Variants in CDH23 observed in about 807,000 individuals in gnomAD.
CDH23 encodes cadherin related 23, also known as cadherin-23.
Under a neutral mutation model 317.1 loss-of-function variants are expected in CDH23, and 189 were observed. The ratio of observed to expected loss-of-function variants is 0.60; its 90% CI spans 0.53 to 0.67. CDH23 has a LOEUF of 0.67. Among genes scored for constraint, CDH23 ranks in the 30% least tolerant of loss-of-function variants. The pLI, the probability that CDH23 is intolerant of heterozygous loss-of-function variation, is 0.00. For synonymous variants in CDH23, 1,839 were observed against 1,876.8 expected, an observed-to-expected ratio of 0.98 and a Z score of 0.52; for missense variants, 4,401 against 4,592.4, an observed-to-expected ratio of 0.96 and a Z score of 1.20.
intron 8 of CDH23, among the ~76,000 whole-genome samples, chr10:71,574,638 G>T (rs1462171666): frequency 6.6e-6 from 1 of 152,194 alleles, no homozygotes; most frequent in Non-Finnish European, 1.5e-5. Context: ...TGAGCTTGCT[G>T]AGCAGGAGGA....
intron 30 of CDH23, among the ~76,000 whole-genome samples, chr10:71,727,283 C>T (rs1210812051): frequency 6.6e-6 from 1 of 152,186 alleles, no homozygotes; most frequent in Non-Finnish European, 1.5e-5. Flanking sequence ...TGAGCCTGTC[C>T]CCTTAACCAC....
chr10:71,460,488 G>A (rs1057314483), intron 3 of CDH23, among the ~76,000 whole-genome samples: 1 of 152,264 alleles, frequency 6.6e-6, no homozygotes, highest in Non-Finnish European at 1.5e-5. Flanking sequence ...TGAATATGCT[G>A]GCGTCCGACT....
intron 18 of CDH23, 142 bp downstream of exon 18, chr10:71,682,714 A>G (rs1864706162): frequency 9.1e-7 from 1 of 1,097,668 alleles, no homozygotes. Flanking sequence ...CATCTGTCCC[A>G]AAGCCTGCCC....
intron 60 of CDH23, among the ~76,000 whole-genome samples, chr10:71,808,798 T>A (rs1243720119): frequency 6.6e-6 from 1 of 152,204 alleles, no homozygotes; most frequent in African/African-American, 2.4e-5. Flanking sequence ...GTGCCCAGCC[T>A]AGCTAAGCTG....
In CDH23 at chr10:71,793,615, C is replaced by T. The variant is rs76463072; in HGVS notation, c.6687C>T (p.Asp2229=). The T allele has an allele frequency of 8.7e-4, 1,392 of 1,599,276 alleles. 9 individuals carry two copies. In the African/African-American group the frequency reaches 0.016, roughly 18 times the overall value. Residue 2229 remains aspartate (D), a synonymous_variant, in exon 48 of 70, where the codon GAC becomes GAT. Coordinates refer to ENST00000224721, the MANE Select transcript of CDH23 (RefSeq NM_022124.6). ...DTDRLVPNQE[D]AFAVNINTGS... ...ATCGCCTGGTGCCCAACCAGGAGGA[C>T]GCCTTTGCTGTGAATATCAACACAG...
intron 3 of CDH23, among the ~76,000 whole-genome samples, chr10:71,465,083 C>T (rs547836381): frequency 6.6e-6 from 1 of 152,350 alleles, no homozygotes; most frequent in Admixed American, 6.5e-5. Flanking sequence ...TCATTAGCCA[C>T]GTGTAGCTCT....
intron 35 of CDH23, among the ~76,000 whole-genome samples, chr10:71,739,319 C>T (rs916681869): frequency 1.3e-5 from 2 of 152,132 alleles, no homozygotes; most frequent in African/African-American, 2.4e-5. Context: ...AATGCCGCAG[C>T]GTGTGCCCAC....
intron 6 of CDH23, among the ~76,000 whole-genome samples, chr10:71,513,059 G>C (rs142792301): frequency 1.7e-4 from 26 of 152,320 alleles, no homozygotes; most frequent in Non-Finnish European, 3.4e-4. Flanking sequence ...GGTGGATAAA[G>C]TGGCCTGCAT....
At chr10:71,761,703 G>T in intron 38 of CDH23, 1 of 1,614,074 alleles carries the variant, frequency 6.2e-7, no homozygotes, top group Non-Finnish European at 8.5e-7. Context: ...AGCAGGGTCA[G>T]GTTGCGCATG....
intron 9 of CDH23, among the ~76,000 whole-genome samples, chr10:71,596,998 A>G (rs74147369): frequency 6.8e-4 from 103 of 152,214 alleles, no homozygotes; most frequent in African/African-American, 2.5e-3. Flanking sequence ...TAATCCCACA[A>G]AGTAATCCCC....
intron 30 of CDH23, among the ~76,000 whole-genome samples, chr10:71,728,741 G>A (rs991321081): frequency 6.6e-6 from 1 of 152,174 alleles, no homozygotes; most frequent in Non-Finnish European, 1.5e-5. Context: ...TGCCTCTCCT[G>A]TTCTGGGGCC....
chr10:71,667,392 G>GTGTGTGTGTGTGTGTGTA (rs756166579), intron 14 of CDH23, among the ~76,000 whole-genome samples: 2 of 101,974 alleles, frequency 2.0e-5, no homozygotes, highest in Non-Finnish European at 2.5e-5. Flanking sequence ...GTGTGTGTGT[G>GTGTGTGTGTGTGTGTGTA]TGTGCGCGTG....
intron 14 of CDH23, among the ~76,000 whole-genome samples, chr10:71,663,484 A>G (rs1048463314): frequency 6.6e-6 from 1 of 150,608 alleles, no homozygotes; most frequent in Non-Finnish European, 1.5e-5. Context: ...TGGTCCCTGG[A>G]CTCCTCTCGG....
chr10:71,414,047 TTGTG>T (rs34017042), intron 1 of CDH23, among the ~76,000 whole-genome samples: 1,954 of 142,966 alleles, frequency 0.014, 33 homozygotes, highest in South Asian at 0.075. Flanking sequence ...CTCCTGGGTT[TTGTG>T]TGTGTGTGTG....
intron 27 of CDH23, among the ~76,000 whole-genome samples, chr10:71,710,738 G>T (rs1443334989): frequency 6.6e-6 from 1 of 152,234 alleles, no homozygotes; most frequent in Non-Finnish European, 1.5e-5. Context: ...GGGCACTTCA[G>T]GCAGAGGCAC....
At chr10:71,472,093 C>T (rs1851543757) in intron 3 of CDH23, among the ~76,000 whole-genome samples, 1 of 152,214 alleles carries the variant, frequency 6.6e-6, no homozygotes, top group African/African-American at 2.4e-5. Flanking sequence ...TCCTCAGCTC[C>T]ATTCTTGGCC....
intron 3 of CDH23, among the ~76,000 whole-genome samples, chr10:71,496,777 A>ATCCCGATGCTTGAGTCCC (rs1852996808): frequency 6.6e-6 from 1 of 152,222 alleles, no homozygotes; most frequent in African/African-American, 2.4e-5. Context: ...TTGTTCTTAA[A>ATCCCGATGCTTGAGTCCC]TCCCGATGCT....
intron 69 of CDH23, 110 bp downstream of exon 69, chr10:71,813,458 GA>G (rs1418192818): frequency 1.0e-6 from 1 of 970,184 alleles, no homozygotes; most frequent in Non-Finnish European, 1.6e-6. Context: ...CTGCAGCCAG[GA>G]CCAAAGACAG....
Position 71,815,187 on chromosome 10 carries a change from G to A in CDH23, c.9974G>A (p.Arg3325His), listed in dbSNP as rs577561690. ...LTAAEATAFE[R>H]NARTESAKST... ...GCTGCCGAGGCCACTGCCTTCGAGC[G>A]CAACGCCCGCACAGAATCCGCCAAA... is the stretch of plus-strand genomic sequence containing the variant. The change falls in exon 70 of 70, where the codon CGC (arginine) becomes CAC (histidine). Residue 3325 changes from arginine to histidine, a missense_variant. Transcript: ENST00000224721. 30 of 1,610,060 alleles carry A rather than the reference G, an allele frequency of 1.9e-5. No individual in the cohort carries two copies. Among genetic ancestry groups the A allele is most frequent in the South Asian group, 1.1e-4 (10 of 90,856 alleles).
Sources: allele counts gnomAD v4.1 joint callset (sites outside exome capture counted in the v4.1 genomes callset), GRCh38; gene constraint gnomAD v4.1.1; transcripts MANE v1.5; gene names NCBI Gene and HGNC (gene_info 2026-07-23, HGNC 2026-07-21).